The following DCDC1 variants were observed in gnomAD, a reference collection of about 807,000 sequenced individuals.
DCDC1 encodes the protein doublecortin domain containing 1, also known as doublecortin domain-containing protein 1.
DCDC1 carries 200 observed loss-of-function variants against 178.3 expected under a neutral mutation model. That is an observed-to-expected ratio of 1.12 (90% CI 1.00 to 1.26). DCDC1 has a LOEUF of 1.26. Among genes scored for constraint, DCDC1 ranks in the 50% most tolerant of loss-of-function variants. The probability of loss-of-function intolerance (pLI) is 0.00; values close to 1 mark genes in which losing one functional copy is unlikely to be tolerated. For synonymous variants in DCDC1, 690 were observed against 604.8 expected, an observed-to-expected ratio of 1.14 and a Z score of -2.07; for missense variants, 1,983 against 1,749.2, an observed-to-expected ratio of 1.13 and a Z score of -2.38.
chr11:31,241,728 C>T (rs573275523), intron 8 of DCDC1, 112 bp from the exon 9 acceptor site: 3 of 389,774 alleles, frequency 7.7e-6, no homozygotes, highest in South Asian at 1.4e-4. Flanking sequence ...TTATTTATAA[C>T]TGACCTGGGT....
At chr11:31,090,314 C>T (rs951156219) in intron 17 of DCDC1, among the ~76,000 whole-genome samples, 3 of 152,172 alleles carry the variant, frequency 2.0e-5, no homozygotes, top group Non-Finnish European at 4.4e-5. Flanking sequence ...TGGACTTTAA[C>T]TGACTGACAG....
chr11:31,182,814 T>A (rs1968984623), intron 9 of DCDC1, among the ~76,000 whole-genome samples: 1 of 152,016 alleles, frequency 6.6e-6, no homozygotes, highest in Non-Finnish European at 1.5e-5. Flanking sequence ...GCAAGCTGAA[T>A]AAAGATTCAA....
intron 20 of DCDC1, among the ~76,000 whole-genome samples, chr11:31,046,016 G>A (rs188002299): frequency 3.3e-5 from 5 of 152,180 alleles, no homozygotes; most frequent in African/African-American, 9.6e-5. Context: ...ATGTGTGTGT[G>A]TTTGCATGTG....
chr11:31,016,048 C>A (rs919310840), intron 20 of DCDC1, among the ~76,000 whole-genome samples: 19 of 152,224 alleles, frequency 1.2e-4, no homozygotes, highest in African/African-American at 4.6e-4. Flanking sequence ...AACTAAAGCA[C>A]AATGAAAGAG....
chr11:31,048,178 G>A (rs663284), intron 20 of DCDC1, among the ~76,000 whole-genome samples: 18,743 of 152,152 alleles, frequency 0.12, 1,339 homozygotes, highest in East Asian at 0.29. Context: ...GTAGTTCAGA[G>A]ATGTCAGGAA....
chr11:30,890,661 G>A (rs535200285), intron 36 of DCDC1, among the ~76,000 whole-genome samples: 1 of 152,222 alleles, frequency 6.6e-6, no homozygotes, highest in Admixed American at 6.5e-5. Context: ...AGGAAAACAT[G>A]CAAGAAAGAA....
intron 20 of DCDC1, among the ~76,000 whole-genome samples, chr11:31,059,870 T>C (rs1303174016): frequency 2.6e-5 from 4 of 152,096 alleles, no homozygotes; most frequent in Non-Finnish European, 5.9e-5. Context: ...AGAATGTAAT[T>C]CAATTTTTAA....
rs190740126 is a variant in DCDC1, at chr11:31,055,491, G to A, written c.2591+8978C>T. 6.6e-5 allele frequency among the ~76,000 whole-genome samples: 10 copies of A among 152,200 alleles called. No homozygotes were observed. In the East Asian group the frequency reaches 1.2e-3, roughly 18 times the overall value. ...AGAACTACCATTTGATCCAGCAATC[G>A]CACTACTGGGTATCTACCCAGAGGA... is the stretch of plus-strand genomic sequence containing the variant. On this transcript the variant is annotated intron_variant, in intron 20 of 38. Coordinates refer to ENST00000684477, the MANE Select transcript of DCDC1 (RefSeq NM_001387274.1).
chr11:31,042,206 G>C (rs750985499), intron 20 of DCDC1, among the ~76,000 whole-genome samples: 3 of 152,218 alleles, frequency 2.0e-5, no homozygotes, highest in Non-Finnish European at 4.4e-5. Context: ...TATCTGAGTG[G>C]CCATAGACAA....
chr11:30,935,168 C>T (rs1298582239), intron 21 of DCDC1, among the ~76,000 whole-genome samples: 1 of 152,172 alleles, frequency 6.6e-6, no homozygotes, highest in Non-Finnish European at 1.5e-5. Context: ...CCCTTGGACA[C>T]ATGTAGTTTA....
rs550053211 is a variant in DCDC1, at chr11:31,173,911, C to T, written c.1222-36127G>A. ...CTGTCTAAATGATGAGAGTGGCGGC[C>T]TGTCTAGGGCAGCTGCTGCCATGAT... On this transcript the variant is annotated intron_variant, in intron 9 of 38. Coordinates refer to ENST00000684477, the MANE Select transcript of DCDC1 (RefSeq NM_001387274.1). 5.9e-5 allele frequency among the ~76,000 whole-genome samples: 9 copies of T among 152,284 alleles called. No individual in the cohort carries two copies. The South Asian group carries it at 1.9e-3, about 32-fold the overall frequency.
intron 22 of DCDC1, 72 bp downstream of exon 22, chr11:30,931,699 T>C (rs1946931995): frequency 1.4e-6 from 2 of 1,407,332 alleles, no homozygotes; most frequent in Non-Finnish European, 1.9e-6. Context: ...CAGAAAAACA[T>C]CCATAATTAA....
chr11:31,196,513 C>T (rs1337340890), intron 9 of DCDC1, among the ~76,000 whole-genome samples: 1 of 151,992 alleles, frequency 6.6e-6, no homozygotes. Flanking sequence ...TCCTCAGGTT[C>T]AGAAATTTGC....
At chr11:31,103,865 T>C in intron 13 of DCDC1, 96 bp from the exon 14 acceptor site, 1 of 667,324 alleles carries the variant, frequency 1.5e-6, no homozygotes, top group Non-Finnish European at 2.7e-6. Context: ...TATCATTGTC[T>C]AATAAAATTC....
At chr11:30,872,508 G>A (rs944478921) in intron 38 of DCDC1, among the ~76,000 whole-genome samples, 47 of 152,074 alleles carry the variant, frequency 3.1e-4, no homozygotes, top group African/African-American at 1.1e-3. Context: ...TTCTAAAAAT[G>A]TGGCTACTAG....
At chr11:31,268,507 G>C (rs1435180101) in intron 7 of DCDC1, among the ~76,000 whole-genome samples, 1 of 152,098 alleles carries the variant, frequency 6.6e-6, no homozygotes, top group African/African-American at 2.4e-5. Context: ...ATTTGCTTAG[G>C]ATAATGGGCG....
chr11:31,147,243 G>T (rs773798590), intron 9 of DCDC1, among the ~76,000 whole-genome samples: 2 of 152,124 alleles, frequency 1.3e-5, no homozygotes, highest in Non-Finnish European at 2.9e-5. Context: ...TCCAGCAAAG[G>T]TTCAACAACA....
At position 30,897,582 on chromosome 11, in the gene DCDC1, C is replaced by CAAAA. The variant is rs35815662; in HGVS notation, c.4765+1955_4765+1958dup. Among the ~76,000 whole-genome samples, 156 of 72,346 alleles carry CAAAA rather than the reference C, an allele frequency of 2.2e-3. 3 individuals are homozygous for CAAAA. The highest frequency in any genetic ancestry group is 2.7e-3 in the Non-Finnish European group (104 of 38,638). The allele number at this position is 72,346 out of a possible 152,430, so 47.5% of individuals were successfully genotyped here. On this transcript the variant is annotated intron_variant, in intron 34 of 38. Coordinates refer to ENST00000684477, the MANE Select transcript of DCDC1 (RefSeq NM_001387274.1). ...TGGGCGACAGAACAAGACTCCGTCT[C>CAAAA]AAAAAAAAAAAAAAAAAAAAAAATT...
chr11:31,290,624 T>G (rs775853715), intron 7 of DCDC1, 23 bp downstream of exon 7: 3 of 1,583,474 alleles, frequency 1.9e-6, no homozygotes, highest in Non-Finnish European at 2.6e-6. Context: ...AAATTCATAG[T>G]TCAATATTTA....
Sources: gnomAD v4.1 joint callset for allele counts (sites outside exome capture counted in the v4.1 genomes callset) on GRCh38, gnomAD v4.1.1 for gene constraint, MANE v1.5 for transcripts, NCBI Gene and HGNC (gene_info 2026-07-23, HGNC 2026-07-21) for gene names.